NPAS3: variants seen among roughly 807,000 people sequenced by gnomAD.
NPAS3 encodes the protein neuronal PAS domain protein 3, also known as neuronal PAS domain-containing protein 3.
A neutral mutation model predicts 73.1 loss-of-function variants in NPAS3; 14 were observed. That is an observed-to-expected ratio of 0.19 (90% CI 0.13 to 0.30). The LOEUF (loss-of-function observed/expected upper bound fraction) is 0.30, where lower values mean the gene tolerates loss of function less well. NPAS3 is among the 10% of genes least tolerant of loss of function. The pLI is 1.00. For missense variants in NPAS3, 1,096 were observed against 1,250.0 expected (o/e 0.88, Z 1.86); for synonymous variants, 620 against 541.5 (o/e 1.14, Z -2.01).
intron 2 of NPAS3, among the ~76,000 whole-genome samples, chr14:33,154,489 C>T (rs2044576925): frequency 6.6e-6 from 1 of 152,212 alleles, no homozygotes; most frequent in South Asian, 2.1e-4. Flanking sequence ...CACCTTTGCA[C>T]AGGGACAAAT....
intron 3 of NPAS3, among the ~76,000 whole-genome samples, chr14:33,356,344 G>A (rs1172154287): frequency 6.6e-6 from 1 of 152,170 alleles, no homozygotes; most frequent in African/African-American, 2.4e-5. Context: ...TTGATTGATT[G>A]CACAGTTGTA....
chr14:33,329,038 C>T (rs2043854724), intron 3 of NPAS3, among the ~76,000 whole-genome samples: 1 of 152,076 alleles, frequency 6.6e-6, no homozygotes, highest in Non-Finnish European at 1.5e-5. Flanking sequence ...ATTAATTTTA[C>T]TGCTGTCTGG....
At chr14:33,769,765 T>C (rs796209534) in intron 7 of NPAS3, among the ~76,000 whole-genome samples, 12,718 of 122,172 alleles carry the variant, frequency 0.1, 871 homozygotes, top group East Asian at 0.18. Flanking sequence ...TCTTTTTTTT[T>C]TTTTTTTTTT....
chr14:33,298,447 C>CTAAA (rs2042395078), intron 3 of NPAS3, among the ~76,000 whole-genome samples: 1 of 151,976 alleles, frequency 6.6e-6, no homozygotes, highest in Non-Finnish European at 1.5e-5. Context: ...TCAGGGAAAT[C>CTAAA]TTTAGAGACT....
intron 6 of NPAS3, among the ~76,000 whole-genome samples, chr14:33,723,084 C>T (rs1460993491): frequency 6.6e-6 from 1 of 152,154 alleles, no homozygotes; most frequent in African/African-American, 2.4e-5. Context: ...GACCCCATAC[C>T]TAAGATGGCA....
intron 4 of NPAS3, among the ~76,000 whole-genome samples, chr14:33,447,291 C>T (rs1199227029): frequency 6.6e-6 from 1 of 152,158 alleles, no homozygotes; most frequent in Non-Finnish European, 1.5e-5. Context: ...TGTGCAAAGG[C>T]ACAGAAACAC....
chr14:33,425,345 G>A (rs1230228463), intron 4 of NPAS3, among the ~76,000 whole-genome samples: 2 of 151,996 alleles, frequency 1.3e-5, no homozygotes, highest in African/African-American at 4.8e-5. Flanking sequence ...GAAAAGGGAT[G>A]TTTTTAGATG....
At chr14:33,600,348 G>A (rs1434408012) in intron 5 of NPAS3, among the ~76,000 whole-genome samples, 3 of 152,256 alleles carry the variant, frequency 2.0e-5, no homozygotes, top group Non-Finnish European at 2.9e-5. Flanking sequence ...CTTAGAATCT[G>A]ATTAAATATT....
chr14:33,690,473 A>G (rs575113116), intron 6 of NPAS3, among the ~76,000 whole-genome samples: 1 of 152,272 alleles, frequency 6.6e-6, no homozygotes, highest in South Asian at 2.1e-4. Flanking sequence ...ATTCAAGCCA[A>G]TGACCTACAG....
intron 4 of NPAS3, among the ~76,000 whole-genome samples, chr14:33,472,889 A>G (rs1300849953): frequency 6.6e-6 from 1 of 150,946 alleles, no homozygotes; most frequent in East Asian, 1.9e-4. Flanking sequence ...AAAGGATTTG[A>G]AAAGGCTTAT....
chr14:33,496,497 C>G (rs888934133), intron 4 of NPAS3, among the ~76,000 whole-genome samples: 5 of 152,110 alleles, frequency 3.3e-5, no homozygotes, highest in Non-Finnish European at 7.4e-5. Flanking sequence ...AAAAGCTTAT[C>G]CACCACAATC....
chr14:33,507,203 T>A (rs2052807700), intron 4 of NPAS3, among the ~76,000 whole-genome samples: 1 of 152,068 alleles, frequency 6.6e-6, no homozygotes, highest in South Asian at 2.1e-4. Flanking sequence ...TTAGCCCAAG[T>A]AGAGAACGTA....
intron 2 of NPAS3, among the ~76,000 whole-genome samples, chr14:33,195,741 T>C (rs1479983665): frequency 2.0e-5 from 3 of 152,218 alleles, no homozygotes; most frequent in East Asian, 1.9e-4. Flanking sequence ...ATTATATTAC[T>C]GTTATTAAAC....
chr14:33,665,406 G>C (rs1186935678), intron 5 of NPAS3, among the ~76,000 whole-genome samples: 2 of 152,076 alleles, frequency 1.3e-5, no homozygotes, highest in African/African-American at 4.8e-5. Context: ...CAACAAACCT[G>C]CATGTTCTGC....
chr14:33,529,301 A>G (rs2053937785), intron 4 of NPAS3, among the ~76,000 whole-genome samples: 1 of 152,124 alleles, frequency 6.6e-6, no homozygotes, highest in African/African-American at 2.4e-5. Flanking sequence ...TAGGAAGAAA[A>G]CTAAAGATGC....
intron 5 of NPAS3, among the ~76,000 whole-genome samples, chr14:33,612,900 A>G (rs1444816860): frequency 1.3e-5 from 2 of 152,166 alleles, no homozygotes; most frequent in African/African-American, 4.8e-5. Flanking sequence ...AACTTTTTAA[A>G]TTGTTTTTCG....
chr14:32,970,882 C>T (rs2037391129), intron 1 of NPAS3, among the ~76,000 whole-genome samples: 1 of 152,096 alleles, frequency 6.6e-6, no homozygotes, highest in African/African-American at 2.4e-5. Flanking sequence ...CTTTTAACGG[C>T]ATTTGCAAAA....
chr14:33,149,874 G>T (rs7140734), intron 2 of NPAS3, among the ~76,000 whole-genome samples: 56,736 of 151,858 alleles, frequency 0.37, 11,193 homozygotes, highest in African/African-American at 0.49. Flanking sequence ...CCATGGTGGT[G>T]TGCTGCACCC....
chr14:33,440,772 A>T (rs1041762650), intron 4 of NPAS3, among the ~76,000 whole-genome samples: 1 of 152,088 alleles, frequency 6.6e-6, no homozygotes, highest in Admixed American at 6.5e-5. Flanking sequence ...AGACGCCTAT[A>T]ATCCCAGCTA....
Sources: gnomAD v4.1 joint callset for allele counts (sites outside exome capture counted in the v4.1 genomes callset) on GRCh38, gnomAD v4.1.1 for gene constraint, MANE v1.5 for transcripts, NCBI Gene and HGNC (gene_info 2026-07-23, HGNC 2026-07-21) for gene names.